Variants in SMG6 observed in about 807,000 individuals in gnomAD.
SMG6 encodes the protein SMG6 nonsense mediated mRNA decay factor, also known as telomerase-binding protein EST1A.
A neutral mutation model predicts 142.2 loss-of-function variants in SMG6; 66 were observed. That is an observed-to-expected ratio of 0.46 (90% CI 0.38 to 0.57). The LOEUF (loss-of-function observed/expected upper bound fraction) is 0.57. Ranked by LOEUF, SMG6 falls within the 20% of genes least tolerant of loss-of-function variation. SMG6 has a pLI of 0.00. For synonymous variants in SMG6, 779 were observed against 702.4 expected, an observed-to-expected ratio of 1.11 and a Z score of -1.72; for missense variants, 1,793 against 1,832.0, an observed-to-expected ratio of 0.98 and a Z score of 0.39.
At chr17:2,166,490 C>T (rs968433696) in intron 13 of SMG6, among the ~76,000 whole-genome samples, 1 of 152,180 alleles carries the variant, frequency 6.6e-6, no homozygotes, top group Non-Finnish European at 1.5e-5. Flanking sequence ...CAAGGTCTTG[C>T]TCTGTCCCTC....
intron 10 of SMG6, 130 bp downstream of exon 10, chr17:2,236,357 AAGCGT>A (rs1028360250): frequency 5.5e-6 from 4 of 723,286 alleles, no homozygotes; most frequent in African/African-American, 3.6e-5. Flanking sequence ...CAATGGTAGG[AAGCGT>A]AGGGTAGGGT....
At chr17:2,267,480 G>A (rs111959684) in intron 8 of SMG6, among the ~76,000 whole-genome samples, 15 of 152,126 alleles carry the variant, frequency 9.9e-5, no homozygotes, top group African/African-American at 2.9e-4. Context: ...TTATACCGGC[G>A]TTGAGTCACT....
chr17:2,186,565 T>C, intron 12 of SMG6, 98 bp downstream of exon 12: 2 of 1,364,974 alleles, frequency 1.5e-6, no homozygotes, highest in Non-Finnish European at 2.0e-6. Context: ...GCAGGCAGGC[T>C]GTGGGCAGAA....
chr17:2,154,818 T>C (rs1269108929), intron 13 of SMG6, among the ~76,000 whole-genome samples: 1 of 152,134 alleles, frequency 6.6e-6, no homozygotes, highest in Non-Finnish European at 1.5e-5. Context: ...GTGAACTGCT[T>C]GAGCTCAGGA....
chr17:2,189,316 C>G (rs1450740628), intron 10 of SMG6, among the ~76,000 whole-genome samples: 1 of 152,156 alleles, frequency 6.6e-6, no homozygotes, highest in African/African-American at 2.4e-5. Flanking sequence ...TTGGTGGGAG[C>G]TATGTGGCAT....
chr17:2,132,685 CT>C (rs1255659279), intron 13 of SMG6, among the ~76,000 whole-genome samples: 4 of 152,200 alleles, frequency 2.6e-5, no homozygotes, highest in African/African-American at 9.6e-5. Context: ...ACTAAACTTT[CT>C]AAAAACCTAA....
intron 8 of SMG6, among the ~76,000 whole-genome samples, chr17:2,272,415 T>C (rs918118447): frequency 7.2e-5 from 11 of 152,296 alleles, no homozygotes; most frequent in Non-Finnish European, 1.0e-4. Flanking sequence ...ACCTCCCTCC[T>C]GGCACCCACC....
intron 13 of SMG6, among the ~76,000 whole-genome samples, chr17:2,126,947 T>TGC (rs1567618515): frequency 6.6e-6 from 1 of 151,552 alleles, no homozygotes; most frequent in Admixed American, 6.6e-5. Context: ...TGCGCACACA[T>TGC]GCACACACAC....
At position 2,298,902 on chromosome 17, in the gene SMG6, A is replaced by G. The variant is rs1161010735; in HGVS notation, c.1847+4T>C. 2 of 1,610,612 alleles carry G rather than the reference A, an allele frequency of 1.2e-6. No homozygotes were observed. On this transcript the variant is annotated splice_donor_region_variant and intron_variant, in intron 2 of 18. Coordinates refer to ENST00000263073, the MANE Select transcript of SMG6 (RefSeq NM_017575.5). ...CCCTCCAGCCAGAATAGACCACATC[A>G]TACCTGAGTTGCGCCATCTTCTCCA...
chr17:2,178,731 A>G (rs1227465862), intron 12 of SMG6, among the ~76,000 whole-genome samples: 2 of 152,308 alleles, frequency 1.3e-5, no homozygotes, highest in East Asian at 3.9e-4. Flanking sequence ...AGCCTCTGTC[A>G]TATCACTATG....
In SMG6 at chr17:2,299,304, G is replaced by A. The variant is rs773724145; in HGVS notation, c.1449C>T (p.Val483=). ...GTGAGTCACCCCAAGATGTAGGGCT[G>A]ACTTCATCATCAGTGTCCAAGAAAT... is the stretch of plus-strand genomic sequence containing the variant. ...QLHFLDTDDE[V]SPTSWGDSRQ... The change falls in exon 2 of 19, where the codon GTC becomes GTT. Residue 483 remains valine (V), a synonymous_variant. Transcript: ENST00000263073. This position sits in a 1 kb window ranked among gnomAD's most constrained non-coding sequence, Gnocchi z 4.3. The A allele has an allele frequency of 1.9e-6, 3 of 1,613,988 alleles. No individual in the cohort carries two copies. In the African/African-American group the frequency reaches 4.0e-5, roughly 22 times the overall value.
intron 13 of SMG6, among the ~76,000 whole-genome samples, chr17:2,135,563 G>A (rs1173593098): frequency 6.6e-6 from 1 of 152,084 alleles, no homozygotes; most frequent in Non-Finnish European, 1.5e-5. Flanking sequence ...TGGCAATAAT[G>A]GAAATGTTCT....
At chr17:2,115,392 T>C (rs1429615049) in intron 13 of SMG6, among the ~76,000 whole-genome samples, 1 of 152,206 alleles carries the variant, frequency 6.6e-6, no homozygotes, top group South Asian at 2.1e-4. Context: ...ATCTAAGGAA[T>C]TGGTAAACCT....
At chr17:2,251,436 T>C (rs1422384227) in intron 8 of SMG6, among the ~76,000 whole-genome samples, 2 of 152,072 alleles carry the variant, frequency 1.3e-5, no homozygotes, top group African/African-American at 2.4e-5. Context: ...CTTCCTCCAC[T>C]CCAGAACTGT....
intron 13 of SMG6, among the ~76,000 whole-genome samples, chr17:2,132,203 C>G (rs1297395846): frequency 1.3e-5 from 2 of 152,200 alleles, no homozygotes; most frequent in Non-Finnish European, 2.9e-5. Flanking sequence ...TTCTTTACTT[C>G]TTTGCTCTGT....
At chr17:2,203,020 G>C (rs2072578624) in intron 10 of SMG6, among the ~76,000 whole-genome samples, 3 of 152,042 alleles carry the variant, frequency 2.0e-5, no homozygotes, top group Non-Finnish European at 1.5e-5. Context: ...AATGTCCTGG[G>C]GGCTCTATCA....
Position 2,292,877 on chromosome 17 carries a change from G to C in SMG6, c.2252C>G (p.Ala751Gly). 1 of 1,612,850 alleles carries C rather than the reference G, an allele frequency of 6.2e-7. No homozygotes were observed. The part of the protein sequence containing the change: ...QASDTANYGK[A>G]RSWYLKAQHI... ...GAAGCAGAGGTAAAAGTACCTGCGT[G>C]CTTTCCCATAATTCGCTGTATCACT... is the stretch of plus-strand genomic sequence containing the variant. Residue 751 changes from alanine to glycine, a missense_variant, in exon 5 of 19, where the codon GCA (alanine) becomes GGA (glycine). Transcript: ENST00000263073.
chr17:2,186,682 AT>A lies in SMG6; in HGVS notation c.3135del (p.Ser1046ProfsTer23). 1 of 1,614,218 alleles carries A rather than the reference AT, an allele frequency of 6.2e-7. No individual in the cohort carries two copies. The highest frequency in any genetic ancestry group is 1.1e-5 in the South Asian group (1 of 91,082). On this transcript the variant is annotated frameshift_variant, in exon 12 of 19. Transcript: ENST00000263073. LOFTEE classifies it high-confidence loss of function. ...ACTCACTGCGAGGGCAGATCCAGGG[AT>A]GTGGGAGGAGGATTCCAGGTGTCCG... ...GYPDTWNPPP[T>X]SLDLPSHVAV...
At chr17:2,184,469 C>T (rs1461761456) in intron 12 of SMG6, among the ~76,000 whole-genome samples, 1 of 151,036 alleles carries the variant, frequency 6.6e-6, no homozygotes, top group Admixed American at 6.6e-5. Flanking sequence ...ACCAGCCTGG[C>T]CAACATAGTG....
Sources: allele counts gnomAD v4.1 joint callset (sites outside exome capture counted in the v4.1 genomes callset), GRCh38; gene constraint gnomAD v4.1.1; non-coding constraint Gnocchi (gnomAD v3.1); transcripts MANE v1.5; gene names NCBI Gene and HGNC (gene_info 2026-07-23, HGNC 2026-07-21).